Variants in LSM4 observed in about 807,000 individuals in gnomAD.
The protein encoded by LSM4 is U6 snRNA-associated Sm-like protein LSm4.
LSM4 carries 15 observed loss-of-function variants against 22.3 expected under a neutral mutation model. The observed-to-expected ratio is 0.67, with a 90% confidence interval of 0.45 to 1.03. The LOEUF (loss-of-function observed/expected upper bound fraction) is 1.03. Among genes scored for constraint, LSM4 ranks in the 50% least tolerant of loss-of-function variants. LSM4 has a pLI of 0.00. For synonymous variants in LSM4, 90 were observed against 79.8 expected, an observed-to-expected ratio of 1.13 and a Z score of -0.68; for missense variants, 127 against 198.0, an observed-to-expected ratio of 0.64 and a Z score of 2.15.
rs567923399 is a variant in LSM4 at position 18,306,341 on chromosome 19, A to G, written c.*1123T>C. On this transcript the variant is annotated 3_prime_UTR_variant, in exon 5 of 5. Coordinates refer to ENST00000593829, the MANE Select transcript of LSM4 (RefSeq NM_012321.5). ...AGGGGGACGGGCCGCTGCCTGGCTC[A>G]GGGCTTCCCTCTGGTTTCTTCACGG... The G allele has an allele frequency of 1.3e-5, 2 of 152,298 alleles. No individual in the cohort carries two copies. The highest frequency in any genetic ancestry group is 4.8e-5 in the African/African-American group (2 of 41,548). The allele number at this position is 152,298 out of a possible 1,614,324, so 9.4% of individuals were successfully genotyped here. A position where few individuals can be genotyped will look rare whatever the true frequency, so the allele number is the denominator to read the frequency against.
intron 1 of LSM4, among the ~76,000 whole-genome samples, chr19:18,320,416 G>A (rs1256234820): frequency 6.6e-6 from 1 of 151,214 alleles, no homozygotes; most frequent in Non-Finnish European, 1.5e-5. Flanking sequence ...CTGAGGTCAG[G>A]TGGGAGGATC....
chr19:18,312,265 G>A, intron 3 of LSM4: 1 of 259,448 alleles, frequency 3.9e-6, no homozygotes, highest in Non-Finnish European at 7.6e-6. Flanking sequence ...CATCCAGGCT[G>A]GACTAAAGGC....
At chr19:18,318,856 G>A (rs912112091) in intron 1 of LSM4, among the ~76,000 whole-genome samples, 1 of 152,248 alleles carries the variant, frequency 6.6e-6, no homozygotes, top group African/African-American at 2.4e-5. Context: ...TGGTCTCAGC[G>A]ACCAATAGCA....
intron 3 of LSM4, 75 bp from the exon 4 acceptor site, chr19:18,309,936 G>A (rs1970280431): frequency 6.9e-7 from 1 of 1,445,552 alleles, no homozygotes; most frequent in African/African-American, 1.4e-5. Context: ...GGGAGGCCCT[G>A]CAGATCCTGC....
chr19:18,307,331 G>T lies in LSM4; in HGVS notation c.*133C>A. On this transcript the variant is annotated 3_prime_UTR_variant, in exon 5 of 5. Coordinates refer to ENST00000593829, the MANE Select transcript of LSM4 (RefSeq NM_012321.5). The stretch of plus-strand genomic sequence containing the variant: ...CAAGAAAAAGGGGCTTCACCTAAAA[G>T]GGAGGGTCACAAAACACGAAGGGGG... 3.4e-6 allele frequency: 2 copies of T among 588,580 alleles called. No homozygotes were observed. The highest frequency in any genetic ancestry group is 7.6e-5 in the South Asian group (2 of 26,154). The allele number at this position is 588,580 out of a possible 1,614,324, so 36.5% of individuals were successfully genotyped here.
intron 1 of LSM4, among the ~76,000 whole-genome samples, chr19:18,320,253 A>C (rs1394388753): frequency 6.6e-6 from 1 of 152,230 alleles, no homozygotes; most frequent in Non-Finnish European, 1.5e-5. Context: ...TGTGCCTGCA[A>C]TCACAGCACT....
chr19:18,315,998 G>C lies in LSM4; in HGVS notation c.45+26C>G, dbSNP rs559233199. 6 of 1,610,704 alleles carry C rather than the reference G, an allele frequency of 3.7e-6. No individual in the cohort carries two copies. The South Asian group carries it at 6.6e-5, about 18-fold the overall frequency. The stretch of plus-strand genomic sequence containing the variant: ...CTGAGGCTGGCCCCCTCTCAAACAG[G>C]CTTTCCCAGACCACTGAGTACTCAC... On this transcript the variant is annotated intron_variant, in intron 2 of 4. Transcript: ENST00000593829.
At chr19:18,321,037 CT>C (rs1970419681) in intron 1 of LSM4, among the ~76,000 whole-genome samples, 1 of 152,218 alleles carries the variant, frequency 6.6e-6, no homozygotes, top group African/African-American at 2.4e-5. Flanking sequence ...TAGGCCACTC[CT>C]TCTGGCCCTG....
rs1184230055 is a variant in LSM4 at position 18,306,661 on chromosome 19, G to A, written c.*803C>T. The A allele has an allele frequency of 6.6e-6, 1 of 152,284 alleles. No homozygotes were observed. The highest frequency in any genetic ancestry group is 1.5e-5 in the Non-Finnish European group (1 of 68,070). The allele number at this position is 152,284 out of a possible 1,614,324, so 9.4% of individuals were successfully genotyped here. A position where few individuals can be genotyped will look rare whatever the true frequency, so the allele number is the denominator to read the frequency against. On this transcript the variant is annotated 3_prime_UTR_variant, in exon 5 of 5. Coordinates refer to ENST00000593829, the MANE Select transcript of LSM4 (RefSeq NM_012321.5). ...ACCCCTTGGCATTAACGTCTCCACA[G>A]AGGGGAGAGGGTTATAGGACAACCT... is the stretch of plus-strand genomic sequence containing the variant.
At position 18,307,333 on chromosome 19, in the gene LSM4, G is replaced by C. The variant is rs1970237708; in HGVS notation, c.*131C>G. On this transcript the variant is annotated 3_prime_UTR_variant, in exon 5 of 5. Transcript: ENST00000593829. ...AGAAAAAGGGGCTTCACCTAAAAGG[G>C]AGGGTCACAAAACACGAAGGGGGTT... The C allele has an allele frequency of 3.4e-6, 2 of 596,298 alleles. No homozygotes were observed. Among genetic ancestry groups the C allele is most frequent in the Non-Finnish European group, 5.2e-6 (2 of 387,698 alleles). 36.9% of individuals were successfully genotyped at this position (596,298 alleles called of 1,614,324 possible).
chr19:18,312,719 C>T lies in LSM4; in HGVS notation c.46-17G>A, dbSNP rs761107082. On this transcript the variant is annotated splice_polypyrimidine_tract_variant and intron_variant, in intron 2 of 4. Transcript: ENST00000593829. ...CTCCACCAACTAGAAGAGAGACAGG[C>T]TAGAGGTTGGCTGTAGCCCTGGAGC... 4 of 1,601,324 alleles carry T rather than the reference C, an allele frequency of 2.5e-6. No homozygotes were observed. In the East Asian group the frequency reaches 6.7e-5, roughly 27 times the overall value.
chr19:18,307,241 A>T lies in LSM4; in HGVS notation c.*223T>A, dbSNP rs1568296170. On this transcript the variant is annotated 3_prime_UTR_variant, in exon 5 of 5. Coordinates refer to ENST00000593829, the MANE Select transcript of LSM4 (RefSeq NM_012321.5). ...TTCTAGGAATCCAGCCAGTTTTGGGACGGCCGTTTCACAAAACCAAAAAAC... is the reference window on the plus strand; with the variant it reads ...TTCTAGGAATCCAGCCAGTTTTGGGTCGGCCGTTTCACAAAACCAAAAAAC... 1 of 421,492 alleles carries T rather than the reference A, an allele frequency of 2.4e-6. No individual in the cohort carries two copies. Among genetic ancestry groups the T allele is most frequent in the Non-Finnish European group, 4.2e-6 (1 of 237,538 alleles). 26.1% of individuals were successfully genotyped at this position (421,492 alleles called of 1,614,324 possible).
chr19:18,308,179 ATGAGGGCCCCAGGGAC>A (rs1970254526), intron 4 of LSM4, among the ~76,000 whole-genome samples: 1 of 152,058 alleles, frequency 6.6e-6, no homozygotes, highest in South Asian at 2.1e-4. Flanking sequence ...TTCCCGGGAG[ATGAGGGCCCCAGGGAC>A]TGAGTGGACG....
intron 1 of LSM4, among the ~76,000 whole-genome samples, chr19:18,322,130 C>G (rs1268959680): frequency 6.6e-6 from 1 of 152,198 alleles, no homozygotes; most frequent in African/African-American, 2.4e-5. Flanking sequence ...AGAGTTCTCA[C>G]TAATCCACAG....
intron 2 of LSM4, among the ~76,000 whole-genome samples, chr19:18,313,091 T>A (rs1413664171): frequency 6.6e-6 from 1 of 152,172 alleles, no homozygotes; most frequent in Non-Finnish European, 1.5e-5. Context: ...TGGTGGTGCA[T>A]GCCTGTAGTC....
intron 1 of LSM4, among the ~76,000 whole-genome samples, chr19:18,320,125 A>C (rs930972134): frequency 3.3e-5 from 5 of 152,116 alleles, no homozygotes; most frequent in Admixed American, 1.3e-4. Context: ...ATATATCTTG[A>C]TTTCTCCTAC....
intron 4 of LSM4, among the ~76,000 whole-genome samples, chr19:18,308,116 T>C (rs1970253232): frequency 6.6e-6 from 1 of 152,134 alleles, no homozygotes. Flanking sequence ...AATGACATTT[T>C]CCATGAAGCC....
At chr19:18,312,906 C>T (rs1169080904) in intron 2 of LSM4, among the ~76,000 whole-genome samples, 1 of 152,200 alleles carries the variant, frequency 6.6e-6, no homozygotes, top group Non-Finnish European at 1.5e-5. Flanking sequence ...TCTATCATGA[C>T]GCCAACCTTT....
In LSM4 at chr19:18,307,527, C is replaced by G; in HGVS notation, c.357G>C (p.Gly119=). 1 of 1,550,518 alleles carries G rather than the reference C, an allele frequency of 6.4e-7. No individual in the cohort carries two copies. Among genetic ancestry groups the G allele is most frequent in the Non-Finnish European group, 8.7e-7 (1 of 1,147,940 alleles). ...GCTGGCCTCTGCCTGTGCCCGGGAT[C>G]CCACCTCGGCCCCGGCCACCAAACA... ...RGVFGGRGRG[G]IPGTGRGQPE... is the part of the protein sequence containing the mutation. The change falls in exon 5 of 5, where the codon GGG becomes GGC. Residue 119 remains glycine (G), a synonymous_variant. Transcript: ENST00000593829.
Sources: allele counts gnomAD v4.1 joint callset (sites outside exome capture counted in the v4.1 genomes callset), GRCh38; gene constraint gnomAD v4.1.1; transcripts MANE v1.5; gene names NCBI Gene and HGNC (gene_info 2026-07-23, HGNC 2026-07-21).